SETD2: variants seen among roughly 807,000 people sequenced by gnomAD.
The protein encoded by SETD2 is SET domain containing 2, histone lysine methyltransferase.
A neutral mutation model predicts 242.1 loss-of-function variants in SETD2; 31 were observed. The ratio of observed to expected loss-of-function variants is 0.13; its 90% CI spans 0.10 to 0.17. SETD2 has a LOEUF of 0.17. SETD2 is among the 10% of genes least tolerant of loss of function. SETD2 has a pLI of 1.00. For missense variants in SETD2, 2,481 were observed against 3,046.3 expected (o/e 0.81, Z 4.37); for synonymous variants, 1,006 against 1,066.5 (o/e 0.94, Z 1.11).
intron 12 of SETD2, among the ~76,000 whole-genome samples, chr3:47,078,372 C>T (rs1199064049): frequency 6.6e-6 from 1 of 152,144 alleles, no homozygotes; most frequent in Non-Finnish European, 1.5e-5. Flanking sequence ...ACAAACCCAA[C>T]TGCGGGGTAT....
intron 6 of SETD2, 42 bp downstream of exon 6, chr3:47,105,955 C>A (rs2107695510): frequency 6.4e-7 from 1 of 1,564,386 alleles, no homozygotes; most frequent in South Asian, 1.1e-5. Flanking sequence ...TCCTTCAAAC[C>A]TAACAGATCT....
chr3:47,121,327 A>G lies in SETD2; in HGVS notation c.3309T>C (p.Asp1103=), dbSNP rs1308698174. ...SYRHYSDHWE[D]ERLESRRHLY... ...AATGTCTCCTTGACTCCAATCTCTC[A>G]TCTTCCCAATGGTCAGAATAGTGTC... The change falls in exon 3 of 21, where the codon GAT becomes GAC. Residue 1103 remains aspartate (D), a synonymous_variant. Transcript: ENST00000409792. 6 of 1,611,248 alleles carry G rather than the reference A, an allele frequency of 3.7e-6. No homozygotes were observed. In the Admixed American group the frequency reaches 1.0e-4, roughly 27 times the overall value.
rs560704326 is a variant in SETD2 at position 47,034,673 on chromosome 3, C to A, written c.7350+2993G>T. On this transcript the variant is annotated intron_variant, in intron 18 of 20. Coordinates refer to ENST00000409792, the MANE Select transcript of SETD2 (RefSeq NM_014159.7). Reference sequence around the variant, plus strand: ...GTGAGGGAGACCCTGCCTCTAAAAACAAAGCAAAGCAAATCAAATGACAAA... The same window carrying A: ...GTGAGGGAGACCCTGCCTCTAAAAAAAAAGCAAAGCAAATCAAATGACAAA... Among the ~76,000 whole-genome samples the A allele has an allele frequency of 2.5e-3, 385 of 152,282 alleles. 4 individuals are homozygous for A. The highest frequency in any genetic ancestry group is 8.9e-3 in the African/African-American group (368 of 41,538).
chr3:47,108,398 A>G (rs1242265125), intron 5 of SETD2, among the ~76,000 whole-genome samples: 3 of 152,216 alleles, frequency 2.0e-5, no homozygotes, highest in African/African-American at 7.2e-5. Flanking sequence ...TGGCATCGAT[A>G]TTATGCCCAT....
intron 9 of SETD2, among the ~76,000 whole-genome samples, chr3:47,097,039 A>C (rs142426272): frequency 1.2e-4 from 18 of 152,200 alleles, no homozygotes; most frequent in Admixed American, 5.9e-4. Context: ...TTATACTCTC[A>C]TCACCTCCCT....
chr3:47,049,717 TA>T (rs1429359296), intron 15 of SETD2, among the ~76,000 whole-genome samples: 4 of 147,254 alleles, frequency 2.7e-5, no homozygotes, highest in African/African-American at 9.8e-5. Context: ...ATTAAATATA[TA>T]AACTTATTCT....
chr3:47,154,034 T>C (rs1229729443), intron 1 of SETD2, among the ~76,000 whole-genome samples: 1 of 152,152 alleles, frequency 6.6e-6, no homozygotes, highest in African/African-American at 2.4e-5. Flanking sequence ...CTGCCTAATA[T>C]ACTAACCAGA....
chr3:47,070,303 T>C (rs1321478779), intron 12 of SETD2, among the ~76,000 whole-genome samples: 1 of 152,188 alleles, frequency 6.6e-6, no homozygotes, highest in Non-Finnish European at 1.5e-5. Context: ...AGCTACTATT[T>C]ACTGTGTGCC....
chr3:47,100,002 C>A (rs1278157233), intron 8 of SETD2, among the ~76,000 whole-genome samples: 1 of 144,964 alleles, frequency 6.9e-6, no homozygotes, highest in Non-Finnish European at 1.5e-5. Context: ...GAGACAGAGT[C>A]TTTCTCTGTG....
intron 19 of SETD2, among the ~76,000 whole-genome samples, chr3:47,019,233 GAACGC>G (rs2038113016): frequency 6.6e-6 from 1 of 152,228 alleles, no homozygotes; most frequent in Admixed American, 6.5e-5. Context: ...CTTTGAGCCA[GAACGC>G]CTGAGTTCAA....
At chr3:47,163,687 G>A in intron 1 of SETD2, 167 bp downstream of exon 1, 1 of 519,028 alleles carries the variant, frequency 1.9e-6, no homozygotes, top group Non-Finnish European at 2.9e-6. Flanking sequence ...CCCCGGCCAA[G>A]CGGCTCGAAG....
chr3:47,138,589 T>C (rs2043648833), intron 1 of SETD2, among the ~76,000 whole-genome samples: 1 of 152,062 alleles, frequency 6.6e-6, no homozygotes, highest in Non-Finnish European at 1.5e-5. Flanking sequence ...GCCTGGCTAA[T>C]TTTGTATTTT....
intron 15 of SETD2, among the ~76,000 whole-genome samples, chr3:47,049,770 G>T: frequency 7.2e-6 from 1 of 139,720 alleles, no homozygotes; most frequent in African/African-American, 2.7e-5. Context: ...TATTCTATGA[G>T]TTTATATTAT....
chr3:47,083,443 G>C (rs1217007065), intron 12 of SETD2, among the ~76,000 whole-genome samples: 1 of 151,962 alleles, frequency 6.6e-6, no homozygotes, highest in Non-Finnish European at 1.5e-5. Context: ...AAGGATTTTT[G>C]TTTTTAATGT....
intron 17 of SETD2, among the ~76,000 whole-genome samples, chr3:47,038,561 G>T (rs959025950): frequency 1.3e-5 from 2 of 152,040 alleles, no homozygotes; most frequent in Non-Finnish European, 2.9e-5. Flanking sequence ...GTTGCAGTGA[G>T]CCAAGATCGT....
intron 15 of SETD2, among the ~76,000 whole-genome samples, chr3:47,055,956 T>C (rs1461766230): frequency 8.3e-6 from 1 of 120,392 alleles, no homozygotes; most frequent in African/African-American, 3.2e-5. Context: ...GAGCTTGCAG[T>C]GAACCGAGAT....
chr3:47,122,861 G>T lies in SETD2; in HGVS notation c.1775C>A (p.Thr592Lys), dbSNP rs115569620. 7.6e-4 allele frequency: 1,223 copies of T among 1,611,688 alleles called. 2 individuals carry two copies. The highest frequency in any genetic ancestry group is 1.7e-3 in the Middle Eastern group (10 of 6,054). ...TAATTCACTACCTTTTGAACAAGGTGTCTGTAAACTAAAAGAATGAGACTG... is the reference window on the plus strand; with the variant it reads ...TAATTCACTACCTTTTGAACAAGGTTTCTGTAAACTAAAAGAATGAGACTG... The part of the protein sequence containing the change: ...IKQSHSFSLQ[T>K]PCSKGSELRM... Residue 592 changes from threonine to lysine, a missense_variant, in exon 3 of 21, where the codon ACA becomes AAA. By Grantham distance (78) the Thr-to-Lys change is moderately conservative (BLOSUM62 -1). Transcript: ENST00000409792.
intron 5 of SETD2, among the ~76,000 whole-genome samples, chr3:47,107,949 C>T (rs13094672): frequency 0.48 from 73,302 of 151,532 alleles, 19,200 homozygotes; most frequent in Non-Finnish European, 0.58. Flanking sequence ...TACTGCACTC[C>T]AGGCTAGGTG....
At chr3:47,066,843 A>C in intron 13 of SETD2, 1 of 396,660 alleles carries the variant, frequency 2.5e-6, no homozygotes, top group East Asian at 3.8e-5. Flanking sequence ...GTAAAGACTG[A>C]GTTCAAGGAA....
Sources: allele counts gnomAD v4.1 joint callset (sites outside exome capture counted in the v4.1 genomes callset), GRCh38; gene constraint gnomAD v4.1.1; transcripts MANE v1.5; gene names NCBI Gene and HGNC (gene_info 2026-07-23, HGNC 2026-07-21).